The following GNB1 variants were observed in gnomAD, a reference collection of about 807,000 sequenced individuals.
GNB1 encodes the protein guanine nucleotide-binding protein G(I)/G(S)/G(T) subunit beta-1.
A neutral mutation model predicts 42.9 loss-of-function variants in GNB1; 2 were observed. The ratio of observed to expected loss-of-function variants is 0.05; its 90% confidence interval spans 0.02 to 0.15. The LOEUF (loss-of-function observed/expected upper bound fraction) is 0.15, where lower values mean the gene tolerates loss of function less well. GNB1 is among the 10% of genes least tolerant of loss of function. GNB1 has a pLI of 1.00. For missense variants in GNB1, 193 were observed against 462.2 expected (o/e 0.42, Z 5.34); for synonymous variants, 183 against 174.7 (o/e 1.05, Z -0.38).
At chr1:1,830,964 G>C (rs1157758513) in intron 2 of GNB1, among the ~76,000 whole-genome samples, 2 of 152,142 alleles carry the variant, frequency 1.3e-5, no homozygotes, top group Non-Finnish European at 2.9e-5. Context: ...AGGAGTTCGA[G>C]ACCAGCCTGG....
intron 7 of GNB1, among the ~76,000 whole-genome samples, chr1:1,803,717 C>G (rs1319136982): frequency 1.3e-5 from 2 of 152,188 alleles, no homozygotes; most frequent in African/African-American, 4.8e-5. Context: ...GGCGCAGCGG[C>G]TCACGCCTAT....
intron 1 of GNB1, among the ~76,000 whole-genome samples, chr1:1,877,316 A>AATATAT (rs1553206589): frequency 3.4e-4 from 41 of 121,688 alleles, no homozygotes; most frequent in South Asian, 1.0e-3. Context: ...AAAAAAAAAA[A>AATATAT]ATATATATAT....
Position 1,785,920 on chromosome 1 carries a change from G to A in GNB1, c.*1143C>T. 2.5e-6 allele frequency: 1 copy of A among 398,890 alleles called. No individual in the cohort carries two copies. Among genetic ancestry groups the A allele is most frequent in the South Asian group, 1.3e-4 (1 of 7,848 alleles). The allele number at this position is 398,890 out of a possible 1,614,324, so 24.7% of individuals were successfully genotyped here. On this transcript the variant is annotated 3_prime_UTR_variant, in exon 12 of 12. Transcript: ENST00000378609. ...ACAGAGCAGCAACGAGAAGTGGACAGAGCCGCAATGGTTACAACTGTAAGA... is the reference window on the plus strand; with the variant it reads ...ACAGAGCAGCAACGAGAAGTGGACAAAGCCGCAATGGTTACAACTGTAAGA...
chr1:1,806,646 C>A, intron 5 of GNB1, 108 bp from the exon 6 acceptor site: 1 of 664,188 alleles, frequency 1.5e-6, no homozygotes, highest in South Asian at 2.2e-5. Context: ...TCCCATGTTA[C>A]ATGTGCTTCA....
chr1:1,808,858 G>A (rs1440063064), intron 5 of GNB1, among the ~76,000 whole-genome samples: 1 of 152,088 alleles, frequency 6.6e-6, no homozygotes, highest in Non-Finnish European at 1.5e-5. Flanking sequence ...TACCCAGGCT[G>A]GTCTCCAACT....
chr1:1,819,668 A>G (rs1646905286), intron 3 of GNB1, among the ~76,000 whole-genome samples: 1 of 151,270 alleles, frequency 6.6e-6, no homozygotes, highest in South Asian at 2.1e-4. Context: ...CCTCCTGAAT[A>G]GCTGGGACTA....
chr1:1,830,567 A>T (rs1647062482), intron 2 of GNB1, among the ~76,000 whole-genome samples: 5 of 151,820 alleles, frequency 3.3e-5, no homozygotes, highest in African/African-American at 4.8e-5. Flanking sequence ...ACATTTTTTA[A>T]AAAAAATTTC....
chr1:1,873,685 C>T (rs1649371974), intron 1 of GNB1, among the ~76,000 whole-genome samples: 1 of 152,130 alleles, frequency 6.6e-6, no homozygotes, highest in African/African-American at 2.4e-5. Context: ...CCGAGGTGGG[C>T]GGGTCACCTG....
At chr1:1,884,784 A>G (rs538039647) in intron 1 of GNB1, among the ~76,000 whole-genome samples, 32 of 151,092 alleles carry the variant, frequency 2.1e-4, no homozygotes, top group Admixed American at 1.4e-3. Flanking sequence ...CCGGGTTCAC[A>G]CCATTCTCCT....
Position 1,815,740 on chromosome 1 carries a change from T to C in GNB1, c.203+16A>G, listed in dbSNP as rs1249259428. ...CTGAATGTAACAAGCAGCATCCTGC[T>C]CATGCCCACGCCTACCTGGAGTCTG... On this transcript the variant is annotated intron_variant, in intron 5 of 11. Coordinates refer to ENST00000378609, the MANE Select transcript of GNB1 (RefSeq NM_002074.5). 6 of 1,367,084 alleles carry C rather than the reference T, an allele frequency of 4.4e-6. No homozygotes were observed. Among genetic ancestry groups the C allele is most frequent in the African/African-American group, 1.4e-5 (1 of 70,270 alleles). The allele number at this position is 1,367,084 out of a possible 1,614,324, so 84.7% of individuals were successfully genotyped here.
At chr1:1,815,516 C>T (rs149152917) in intron 5 of GNB1, among the ~76,000 whole-genome samples, 1 of 152,352 alleles carries the variant, frequency 6.6e-6, no homozygotes, top group African/African-American at 2.4e-5. Flanking sequence ...AAAATCAGAA[C>T]TTGTATTAAT....
At chr1:1,861,533 G>A (rs571348955) in intron 1 of GNB1, among the ~76,000 whole-genome samples, 92 of 152,084 alleles carry the variant, frequency 6.0e-4, no homozygotes, top group Non-Finnish European at 1.0e-4. Context: ...CTCAAGGGAA[G>A]CAGGATTGGC....
At chr1:1,845,379 C>A (rs1386115966) in intron 1 of GNB1, among the ~76,000 whole-genome samples, 1 of 152,054 alleles carries the variant, frequency 6.6e-6, no homozygotes, top group Non-Finnish European at 1.5e-5. Flanking sequence ...TGAGACCATC[C>A]TAGCTAACTC....
intron 2 of GNB1, among the ~76,000 whole-genome samples, chr1:1,832,754 G>A (rs1647094116): frequency 1.3e-5 from 2 of 152,224 alleles, no homozygotes; most frequent in South Asian, 2.1e-4. Context: ...CAACATTCAG[G>A]CTGCAAGTTT....
chr1:1,882,449 A>AG (rs1557953020), intron 1 of GNB1, among the ~76,000 whole-genome samples: 1 of 141,004 alleles, frequency 7.1e-6, no homozygotes, highest in Admixed American at 7.4e-5. Flanking sequence ...AAAAAAAAAA[A>AG]AGAGAGAAGG....
chr1:1,889,686 T>G (rs1332224419), intron 1 of GNB1, among the ~76,000 whole-genome samples: 1 of 147,192 alleles, frequency 6.8e-6, no homozygotes, highest in Admixed American at 6.8e-5. Context: ...AAGGCTTCCA[T>G]GAAGATGAAT....
chr1:1,844,009 C>T (rs566357908), intron 1 of GNB1, among the ~76,000 whole-genome samples: 14 of 152,146 alleles, frequency 9.2e-5, no homozygotes, highest in Middle Eastern at 3.4e-3. Flanking sequence ...TCCTGGCTAA[C>T]TCGATGAAAC....
intron 1 of GNB1, among the ~76,000 whole-genome samples, chr1:1,854,214 G>C (rs1648143158): frequency 6.6e-6 from 1 of 152,204 alleles, no homozygotes; most frequent in Admixed American, 6.5e-5. Context: ...AGATGGGGAG[G>C]TCTCTCTTAG....
chr1:1,827,461 C>T (rs1355462564), intron 2 of GNB1, among the ~76,000 whole-genome samples: 1 of 152,228 alleles, frequency 6.6e-6, no homozygotes, highest in Non-Finnish European at 1.5e-5. Flanking sequence ...CCTCAGGCCT[C>T]CCTGCACACA....
Sources: gnomAD v4.1 joint callset for allele counts (sites outside exome capture counted in the v4.1 genomes callset) on GRCh38, gnomAD v4.1.1 for gene constraint, MANE v1.5 for transcripts, NCBI Gene and HGNC (gene_info 2026-07-23, HGNC 2026-07-21) for gene names.